The following DOCK3 variants were observed in gnomAD, a reference collection of about 807,000 sequenced individuals.
DOCK3 encodes the protein dedicator of cytokinesis 3.
Under a neutral mutation model 265.6 loss-of-function variants are expected in DOCK3, and 60 were observed. The observed-to-expected ratio is 0.23, with a 90% CI of 0.18 to 0.28. The LOEUF (loss-of-function observed/expected upper bound fraction) is 0.28, where lower values mean the gene tolerates loss of function less well. Among genes scored for constraint, DOCK3 ranks in the 10% least tolerant of loss-of-function variants. DOCK3 has a pLI of 1.00. For missense variants in DOCK3, 1,981 were observed against 2,594.3 expected, an observed-to-expected ratio of 0.76 and a Z score of 5.14; for synonymous variants, 881 against 938.0, an observed-to-expected ratio of 0.94 and a Z score of 1.11.
chr3:51,365,299 G>A (rs963711388), intron 49 of DOCK3, among the ~76,000 whole-genome samples: 2 of 152,174 alleles, frequency 1.3e-5, no homozygotes, highest in African/African-American at 4.8e-5. Context: ...TCTGTTATTG[G>A]TGTATAGGAA....
intron 3 of DOCK3, among the ~76,000 whole-genome samples, chr3:50,868,177 G>A (rs1001196296): frequency 2.6e-5 from 4 of 151,826 alleles, no homozygotes; most frequent in African/African-American, 4.8e-5. Flanking sequence ...AGGTTCAAGC[G>A]ATTCTCCTGT....
At chr3:50,725,963 C>T (rs2037797159) in intron 1 of DOCK3, among the ~76,000 whole-genome samples, 2 of 152,122 alleles carry the variant, frequency 1.3e-5, no homozygotes, top group Admixed American at 1.3e-4. Flanking sequence ...AGGGTACACC[C>T]TTTTATGTTA....
At chr3:50,900,521 C>T (rs563799641) in intron 4 of DOCK3, among the ~76,000 whole-genome samples, 1 of 152,008 alleles carries the variant, frequency 6.6e-6, no homozygotes, top group Non-Finnish European at 1.5e-5. Context: ...GTTCCCTTGG[C>T]GAGGAGTTGT....
intron 4 of DOCK3, among the ~76,000 whole-genome samples, chr3:50,904,275 C>T (rs1039810224): frequency 2.6e-5 from 4 of 152,160 alleles, no homozygotes; most frequent in Admixed American, 2.0e-4. Flanking sequence ...TGGGTATATA[C>T]CCAGTAATGG....
rs140181519 is a variant in DOCK3 at position 51,180,573 on chromosome 3, C to T, written c.1037+19871C>T. On this transcript the variant is annotated intron_variant, in intron 12 of 52. Coordinates refer to ENST00000266037, the MANE Select transcript of DOCK3 (RefSeq NM_004947.5). Reference sequence around the variant, plus strand: ...TTCTCTTCTGTTTGTCTTAAATCTCCCTCTGCCTTTGTCCTATAAGGATAT... The same window carrying T: ...TTCTCTTCTGTTTGTCTTAAATCTCTCTCTGCCTTTGTCCTATAAGGATAT... Among the ~76,000 whole-genome samples, 393 of 152,186 alleles carry T rather than the reference C, an allele frequency of 2.6e-3. 3 individuals are homozygous for T. Among genetic ancestry groups the T allele is most frequent in the African/African-American group, 9.2e-3 (380 of 41,508 alleles).
intron 3 of DOCK3, among the ~76,000 whole-genome samples, chr3:50,856,080 T>A (rs2046584463): frequency 6.6e-6 from 1 of 152,326 alleles, no homozygotes; most frequent in African/African-American, 2.4e-5. Context: ...TAAAATCTAG[T>A]CTGTCACTGA....
intron 12 of DOCK3, among the ~76,000 whole-genome samples, chr3:51,186,819 G>T (rs533734980): frequency 1.3e-5 from 2 of 152,238 alleles, no homozygotes; most frequent in East Asian, 1.9e-4. Flanking sequence ...GCCTGCCAGC[G>T]CACAGAAGTC....
At chr3:50,892,266 G>A (rs1294034386) in intron 4 of DOCK3, among the ~76,000 whole-genome samples, 2 of 152,020 alleles carry the variant, frequency 1.3e-5, no homozygotes, top group Admixed American at 6.6e-5. Context: ...AGCCCAACCA[G>A]AAAATAGTAG....
chr3:51,295,834 T>G (rs1300094747), intron 27 of DOCK3, among the ~76,000 whole-genome samples: 1 of 152,162 alleles, frequency 6.6e-6, no homozygotes, highest in Non-Finnish European at 1.5e-5. Flanking sequence ...ACTATCTCTA[T>G]TCACAGATGA....
At chr3:50,753,678 T>C (rs560282735) in intron 1 of DOCK3, among the ~76,000 whole-genome samples, 1 of 152,298 alleles carries the variant, frequency 6.6e-6, no homozygotes, top group South Asian at 2.1e-4. Context: ...GCAAATATTT[T>C]AATTTGAGAA....
rs374345121 is a variant in DOCK3 at position 51,160,794 on chromosome 3, A to C, written c.1037+92A>C. ...GTAGTAGTGCTCAAACCTTGTGGACACAGGCCACGCAGTGGCTCACGCCTG... is the reference window on the plus strand; with the variant it reads ...GTAGTAGTGCTCAAACCTTGTGGACCCAGGCCACGCAGTGGCTCACGCCTG... On this transcript the variant is annotated intron_variant, in intron 12 of 52. Transcript: ENST00000266037. 76 of 1,465,010 alleles carry C rather than the reference A, an allele frequency of 5.2e-5. 1 individual carries two copies. The highest frequency in any genetic ancestry group is 4.2e-4 in the African/African-American group (30 of 70,998). The allele number at this position is 1,465,010 out of a possible 1,614,324, so 90.8% of individuals were successfully genotyped here.
At chr3:51,317,310 TA>T (rs919373962) in intron 32 of DOCK3, among the ~76,000 whole-genome samples, 2 of 150,530 alleles carry the variant, frequency 1.3e-5, no homozygotes, top group Non-Finnish European at 3.0e-5. Context: ...AGGAGAAGCT[TA>T]AAAAAAAGAA....
intron 5 of DOCK3, among the ~76,000 whole-genome samples, chr3:51,021,971 A>AT (rs1327046187): frequency 2.0e-5 from 3 of 152,046 alleles, no homozygotes; most frequent in Admixed American, 2.0e-4. Flanking sequence ...GAGAATTTAC[A>AT]TTTTTTAACA....
intron 1 of DOCK3, among the ~76,000 whole-genome samples, chr3:50,763,430 G>A (rs1020949693): frequency 4.6e-5 from 7 of 151,982 alleles, no homozygotes; most frequent in African/African-American, 7.2e-5. Context: ...TTGCAGGTGC[G>A]CACCACCACA....
At chr3:51,118,743 T>C (rs1196602902) in intron 9 of DOCK3, among the ~76,000 whole-genome samples, 1 of 152,200 alleles carries the variant, frequency 6.6e-6, no homozygotes, top group Non-Finnish European at 1.5e-5. Flanking sequence ...TTATCTTTGT[T>C]GGTCTTGATC....
chr3:51,212,085 G>A (rs984256237), intron 13 of DOCK3, among the ~76,000 whole-genome samples: 2 of 152,172 alleles, frequency 1.3e-5, no homozygotes, highest in African/African-American at 2.4e-5. Flanking sequence ...GAACTAGGAA[G>A]GAAACCCAGA....
chr3:51,176,362 A>T (rs1436924488), intron 12 of DOCK3, among the ~76,000 whole-genome samples: 4 of 152,112 alleles, frequency 2.6e-5, no homozygotes. Flanking sequence ...CACGCCTGTA[A>T]TCCTAGCACT....
intron 12 of DOCK3, among the ~76,000 whole-genome samples, chr3:51,192,777 C>G (rs2088028164): frequency 6.6e-6 from 1 of 151,970 alleles, no homozygotes; most frequent in African/African-American, 2.4e-5. Context: ...GTCAGGTGCC[C>G]AGCCTTGTGG....
At chr3:51,052,800 C>A (rs954876082) in intron 5 of DOCK3, among the ~76,000 whole-genome samples, 2 of 151,976 alleles carry the variant, frequency 1.3e-5, no homozygotes. Context: ...AGAGACAGAG[C>A]TTTCCATAGG....
Sources: gnomAD v4.1 joint callset for allele counts (sites outside exome capture counted in the v4.1 genomes callset) on GRCh38, gnomAD v4.1.1 for gene constraint, MANE v1.5 for transcripts, NCBI Gene and HGNC (gene_info 2026-07-23, HGNC 2026-07-21) for gene names.